Variants in NXPH1 observed in about 807,000 individuals in gnomAD.
The protein encoded by NXPH1 is neurexophilin 1, also known as neurexophilin-1.
In NXPH1, 5 loss-of-function variants were observed where a neutral mutation model predicts 23.7. The observed-to-expected ratio is 0.21, with a 90% confidence interval of 0.11 to 0.44. The LOEUF is 0.44. Among genes scored for constraint, NXPH1 ranks in the 20% least tolerant of loss-of-function variants. The pLI is 0.99. For synonymous variants in NXPH1, 144 were observed against 122.2 expected, an observed-to-expected ratio of 1.18 and a Z score of -1.18; for missense variants, 324 against 321.6, an observed-to-expected ratio of 1.01 and a Z score of -0.06.
intron 2 of NXPH1, among the ~76,000 whole-genome samples, chr7:8,731,476 C>T (rs1183427665): frequency 6.6e-6 from 1 of 152,142 alleles, no homozygotes; most frequent in East Asian, 1.9e-4. Flanking sequence ...GTGATTTTAT[C>T]TACTTTTGGT....
At chr7:8,695,224 TAG>T (rs1333256721) in intron 2 of NXPH1, among the ~76,000 whole-genome samples, 1 of 152,226 alleles carries the variant, frequency 6.6e-6, no homozygotes, top group Non-Finnish European at 1.5e-5. Context: ...TGGCGGATGC[TAG>T]GTCTTTGAAG....
At chr7:8,450,422 A>G (rs1816484945) in intron 2 of NXPH1, among the ~76,000 whole-genome samples, 1 of 152,282 alleles carries the variant, frequency 6.6e-6, no homozygotes, top group African/African-American at 2.4e-5. Flanking sequence ...CAGACATCCA[A>G]CTAACTTAGC....
intron 2 of NXPH1, among the ~76,000 whole-genome samples, chr7:8,603,431 C>G (rs1039117791): frequency 6.6e-6 from 1 of 151,950 alleles, no homozygotes; most frequent in Admixed American, 6.6e-5. Flanking sequence ...TTTTTTTGCT[C>G]AGCTGGACAC....
intron 2 of NXPH1, among the ~76,000 whole-genome samples, chr7:8,481,361 G>T (rs541865697): frequency 6.6e-6 from 1 of 152,276 alleles, no homozygotes; most frequent in East Asian, 1.9e-4. Context: ...AATAGGATGG[G>T]TATAGAAAAA....
At chr7:8,562,555 T>A (rs1818464828) in intron 2 of NXPH1, among the ~76,000 whole-genome samples, 1 of 151,640 alleles carries the variant, frequency 6.6e-6, no homozygotes, top group African/African-American at 2.4e-5. Flanking sequence ...ACCGTAACTT[T>A]CTTAAATGTG....
chr7:8,571,041 CTAATCTA>C (rs1360199823), intron 2 of NXPH1, among the ~76,000 whole-genome samples: 4 of 149,500 alleles, frequency 2.7e-5, no homozygotes, highest in Admixed American at 6.7e-5. Flanking sequence ...CTAATCTAAT[CTAATCTA>C]ATCTAATCTA....
chr7:8,693,803 T>G (rs1478777642), intron 2 of NXPH1, among the ~76,000 whole-genome samples: 1 of 152,196 alleles, frequency 6.6e-6, no homozygotes, highest in African/African-American at 2.4e-5. Context: ...CATACTTGCT[T>G]TGAACTATTT....
chr7:8,599,396 ACTC>A (rs1250264233), intron 2 of NXPH1, among the ~76,000 whole-genome samples: 1 of 151,684 alleles, frequency 6.6e-6, no homozygotes, highest in Non-Finnish European at 1.5e-5. Context: ...ATGCTGTGTT[ACTC>A]CTCTGGGCTC....
intron 2 of NXPH1, among the ~76,000 whole-genome samples, chr7:8,497,431 T>A (rs944863159): frequency 6.6e-6 from 1 of 152,262 alleles, no homozygotes; most frequent in African/African-American, 2.4e-5. Flanking sequence ...CTTGAGGAAT[T>A]GCCACACTGT....
chr7:8,717,045 G>T lies in NXPH1; in HGVS notation c.55-33963G>T, dbSNP rs547779987. Among the ~76,000 whole-genome samples, 4 of 152,278 alleles carry T rather than the reference G, an allele frequency of 2.6e-5. No homozygotes were observed. The East Asian group carries it at 7.7e-4, about 29-fold the overall frequency. The stretch of plus-strand genomic sequence containing the variant: ...TGAATTGCACCCCAAGAAATAACAT[G>T]CAAGTTACTGGGTGAATGTGATTGG... On this transcript the variant is annotated intron_variant, in intron 2 of 2. Transcript: ENST00000405863.
chr7:8,443,574 AGGGAGAGG>A (rs1816343994), intron 2 of NXPH1, among the ~76,000 whole-genome samples: 1 of 152,214 alleles, frequency 6.6e-6, no homozygotes, highest in Non-Finnish European at 1.5e-5. Flanking sequence ...CGCAGGGGTG[AGGGAGAGG>A]GTGGGGAGAG....
chr7:8,488,853 A>C (rs1482443186), intron 2 of NXPH1, among the ~76,000 whole-genome samples: 5 of 152,168 alleles, frequency 3.3e-5, no homozygotes, highest in Non-Finnish European at 7.4e-5. Flanking sequence ...CAATAAAAAC[A>C]GCTAATGCCA....
At chr7:8,500,121 G>A (rs1489783454) in intron 2 of NXPH1, among the ~76,000 whole-genome samples, 1 of 152,100 alleles carries the variant, frequency 6.6e-6, no homozygotes, top group African/African-American at 2.4e-5. Flanking sequence ...CACACAGGCA[G>A]AAGTTTCCTC....
intron 2 of NXPH1, among the ~76,000 whole-genome samples, chr7:8,516,029 C>T (rs543187444): frequency 1.3e-5 from 2 of 152,066 alleles, no homozygotes; most frequent in African/African-American, 4.8e-5. Flanking sequence ...TTTCTGCCAC[C>T]AAACCTTCGA....
At chr7:8,741,438 G>A (rs1052122051) in intron 2 of NXPH1, among the ~76,000 whole-genome samples, 1 of 152,062 alleles carries the variant, frequency 6.6e-6, no homozygotes, top group Non-Finnish European at 1.5e-5. Context: ...TGGATCAAAT[G>A]GTAGTTCTAT....
intron 2 of NXPH1, among the ~76,000 whole-genome samples, chr7:8,705,701 T>A (rs1779692854): frequency 6.6e-6 from 1 of 152,184 alleles, no homozygotes; most frequent in African/African-American, 2.4e-5. Flanking sequence ...GTAATTGATC[T>A]GGGCAATAGT....
intron 2 of NXPH1, among the ~76,000 whole-genome samples, chr7:8,439,931 T>C (rs1686139038): frequency 6.6e-6 from 1 of 152,212 alleles, no homozygotes; most frequent in African/African-American, 2.4e-5. Context: ...CACTGAAAAT[T>C]CTAATCAATT....
intron 2 of NXPH1, among the ~76,000 whole-genome samples, chr7:8,703,470 C>G (rs1452662364): frequency 6.6e-6 from 1 of 151,992 alleles, no homozygotes; most frequent in Admixed American, 6.6e-5. Flanking sequence ...CAGGAGTAGT[C>G]ACAGAAAATA....
Position 8,736,076 on chromosome 7 carries a change from C to G in NXPH1, c.55-14932C>G, listed in dbSNP as rs182324191. 2.6e-5 allele frequency among the ~76,000 whole-genome samples: 4 copies of G among 152,232 alleles called. No individual in the cohort carries two copies. The East Asian group carries it at 7.7e-4, about 29-fold the overall frequency. ...GTATTTTGTTAATCTTTTCAAAAAA[C>G]CAACTCCTGGATTCATTGATTTTTT... is the stretch of plus-strand genomic sequence containing the variant. On this transcript the variant is annotated intron_variant, in intron 2 of 2. Transcript: ENST00000405863.
Sources: gnomAD v4.1 joint callset for allele counts (sites outside exome capture counted in the v4.1 genomes callset) on GRCh38, gnomAD v4.1.1 for gene constraint, MANE v1.5 for transcripts, NCBI Gene and HGNC (gene_info 2026-07-23, HGNC 2026-07-21) for gene names.